DAB1: variants seen among roughly 807,000 people sequenced by gnomAD.
The protein encoded by DAB1 is disabled homolog 1.
Under a neutral mutation model 64.6 loss-of-function variants are expected in DAB1, and 15 were observed. That is an observed-to-expected ratio of 0.23 (90% CI 0.16 to 0.36). DAB1 has a LOEUF of 0.36. Ranked by LOEUF, DAB1 falls within the 10% of genes least tolerant of loss-of-function variation. The pLI is 1.00. For synonymous variants in DAB1, 235 were observed against 251.9 expected (o/e 0.93, Z 0.64); for missense variants, 596 against 706.7 (o/e 0.84, Z 1.78).
At chr1:57,250,831 T>C (rs771910519) in intron 2 of DAB1, among the ~76,000 whole-genome samples, 8 of 152,236 alleles carry the variant, frequency 5.3e-5, no homozygotes, top group Non-Finnish European at 1.2e-4. Flanking sequence ...GAGGGGCTAC[T>C]TTTACTTCTC....
At chr1:58,010,662 A>G (rs1646654860) in intron 5 of DAB1, among the ~76,000 whole-genome samples, 1 of 152,220 alleles carries the variant, frequency 6.6e-6, no homozygotes, top group South Asian at 2.1e-4. Flanking sequence ...GAGGCACAAT[A>G]ACTATGTTCA....
At chr1:57,900,410 G>A (rs1006207784) in intron 5 of DAB1, among the ~76,000 whole-genome samples, 5 of 152,184 alleles carry the variant, frequency 3.3e-5, no homozygotes, top group East Asian at 3.9e-4. Context: ...AATGAGCTTC[G>A]TTATTAGAGT....
chr1:58,045,309 A>G (rs1042357752), intron 5 of DAB1, among the ~76,000 whole-genome samples: 1 of 152,098 alleles, frequency 6.6e-6, no homozygotes, highest in East Asian at 1.9e-4. Context: ...TCACCTACTC[A>G]TTACTGCCAT....
chr1:57,624,882 C>T (rs183461026), intron 7 of DAB1, among the ~76,000 whole-genome samples: 4 of 152,242 alleles, frequency 2.6e-5, no homozygotes, highest in African/African-American at 4.8e-5. Flanking sequence ...TAATGAATTG[C>T]CAATTTTGTA....
chr1:57,355,462 C>A (rs1679019490), intron 1 of DAB1, among the ~76,000 whole-genome samples: 1 of 151,736 alleles, frequency 6.6e-6, no homozygotes, highest in Non-Finnish European at 1.5e-5. Context: ...TTGAAAAAGT[C>A]ACAGTCTACT....
chr1:58,103,747 T>A (rs1408133902), intron 5 of DAB1, among the ~76,000 whole-genome samples: 1 of 152,220 alleles, frequency 6.6e-6, no homozygotes, highest in Non-Finnish European at 1.5e-5. Flanking sequence ...GTGCCTTACT[T>A]GCATTGCTCA....
At chr1:57,884,163 C>G (rs1231353849), upstream of DAB1, 1 of 152,266 alleles carries the variant, frequency 6.6e-6, no homozygotes, top group Non-Finnish European at 1.5e-5. Context: ...AAGGAAATAG[C>G]TGCAATGAAA....
At chr1:57,411,655 C>T (rs1315978680) in intron 1 of DAB1, among the ~76,000 whole-genome samples, 1 of 152,232 alleles carries the variant, frequency 6.6e-6, no homozygotes, top group East Asian at 1.9e-4. Flanking sequence ...AACAAAGTGA[C>T]TAGCGGCTAC....
chr1:57,564,617 C>A (rs1028253283), intron 7 of DAB1, among the ~76,000 whole-genome samples: 4 of 152,102 alleles, frequency 2.6e-5, no homozygotes, highest in African/African-American at 7.2e-5. Context: ...AACCATGGCA[C>A]GAGAACTACC....
chr1:58,056,625 G>A, intron 5 of DAB1: 1 of 647,850 alleles, frequency 1.5e-6, no homozygotes, highest in East Asian at 2.7e-5. Flanking sequence ...TCTTCTGTCT[G>A]ATCCTCCAGA....
At chr1:58,121,159 A>C (rs1167371019) in intron 5 of DAB1, among the ~76,000 whole-genome samples, 1 of 151,924 alleles carries the variant, frequency 6.6e-6, no homozygotes, top group African/African-American at 2.4e-5. Flanking sequence ...CTATTTCTCC[A>C]CTTCATGCCA....
intron 1 of DAB1, among the ~76,000 whole-genome samples, chr1:57,311,545 T>G (rs1315373420): frequency 7.1e-6 from 1 of 140,590 alleles, no homozygotes; most frequent in East Asian, 2.0e-4. Context: ...CACACACCAC[T>G]TCTTGGCTGG....
intron 3 of DAB1, among the ~76,000 whole-genome samples, chr1:58,348,767 A>G (rs1338155389): frequency 6.6e-6 from 1 of 152,206 alleles, no homozygotes; most frequent in Admixed American, 6.5e-5. Flanking sequence ...TTTTTGGCAC[A>G]TGAAATGCTA....
chr1:58,417,261 T>C (rs1422757721), intron 3 of DAB1, among the ~76,000 whole-genome samples: 1 of 152,190 alleles, frequency 6.6e-6, no homozygotes, highest in East Asian at 1.9e-4. Context: ...AAGAAGGACA[T>C]GAGAATACTC....
At chr1:57,022,482 G>A (rs776159146) in intron 11 of DAB1, among the ~76,000 whole-genome samples, 5 of 152,178 alleles carry the variant, frequency 3.3e-5, no homozygotes, top group Non-Finnish European at 5.9e-5. Flanking sequence ...TTAGATCCAA[G>A]GGTTACCAAC....
chr1:58,079,234 C>G (rs1649835175), intron 5 of DAB1, among the ~76,000 whole-genome samples: 1 of 152,134 alleles, frequency 6.6e-6, no homozygotes, highest in Non-Finnish European at 1.5e-5. Context: ...CCTAGGGCTC[C>G]CCTCAGACAT....
intron 3 of DAB1, among the ~76,000 whole-genome samples, chr1:58,354,333 A>T (rs963774518): frequency 6.6e-6 from 1 of 152,176 alleles, no homozygotes; most frequent in African/African-American, 2.4e-5. Context: ...TCCTTGTAAC[A>T]TATTATAAAA....
At chr1:57,562,033 T>C (rs1023167631) in intron 7 of DAB1, among the ~76,000 whole-genome samples, 2 of 152,210 alleles carry the variant, frequency 1.3e-5, no homozygotes, top group Non-Finnish European at 2.9e-5. Flanking sequence ...TGTCATGGTA[T>C]TCCACACAGC....
At chr1:58,035,721 T>A (rs1279960123) in intron 5 of DAB1, among the ~76,000 whole-genome samples, 1 of 152,144 alleles carries the variant, frequency 6.6e-6, no homozygotes, top group African/African-American at 2.4e-5. Context: ...CCTGGAGTTG[T>A]GAGATGTACA....
Sources: allele counts gnomAD v4.1 joint callset (sites outside exome capture counted in the v4.1 genomes callset), GRCh38; gene constraint gnomAD v4.1.1; transcripts MANE v1.5; gene names NCBI Gene and HGNC (gene_info 2026-07-23, HGNC 2026-07-21).